LRRK2: variants seen among roughly 807,000 people sequenced by gnomAD.
LRRK2 encodes leucine-rich repeat serine/threonine-protein kinase 2.
A neutral mutation model predicts 302.6 loss-of-function variants in LRRK2; 203 were observed. The ratio of observed to expected loss-of-function variants is 0.67; its 90% CI spans 0.60 to 0.75. The LOEUF is 0.75. Among genes scored for constraint, LRRK2 ranks in the 30% least tolerant of loss-of-function variants. The probability of loss-of-function intolerance (pLI) is 0.00; values close to 1 mark genes in which losing one functional copy is unlikely to be tolerated. For synonymous variants in LRRK2, 1,066 were observed against 1,031.9 expected (o/e 1.03, Z -0.63); for missense variants, 2,830 against 2,951.0 (o/e 0.96, Z 0.95).
intron 10 of LRRK2, among the ~76,000 whole-genome samples, 178 bp from the exon 11 acceptor site, chr12:40,252,732 G>A (rs12422796): frequency 0.033 from 4,980 of 152,016 alleles, 228 homozygotes; most frequent in South Asian, 0.12. Flanking sequence ...AATTTGTTAG[G>A]ATTTAATTAA....
chr12:40,324,197 C>CCT (rs1186504988), intron 38 of LRRK2, among the ~76,000 whole-genome samples: 1 of 151,750 alleles, frequency 6.6e-6, no homozygotes, highest in Admixed American at 6.6e-5. Flanking sequence ...TCTGGCTCCT[C>CCT]GGTTATCATT....
chr12:40,238,242 G>A (rs1287831366), intron 5 of LRRK2, 139 bp downstream of exon 5: 3 of 846,222 alleles, frequency 3.5e-6, no homozygotes, highest in Admixed American at 5.5e-5. Flanking sequence ...TCTGTCAAGG[G>A]TGAGGAATGG....
intron 14 of LRRK2, among the ~76,000 whole-genome samples, chr12:40,272,487 G>C (rs572472392): frequency 2.6e-5 from 4 of 152,288 alleles, no homozygotes; most frequent in African/African-American, 9.6e-5. Context: ...TTAAGTAGGT[G>C]AATACATATG....
chr12:40,345,622 C>CAAAAAAAA (rs144415226), intron 41 of LRRK2, among the ~76,000 whole-genome samples: 102 of 67,354 alleles, frequency 1.5e-3, no homozygotes, highest in South Asian at 1.6e-3. Flanking sequence ...GACTCCATCT[C>CAAAAAAAA]AAAAAAAAAA....
At chr12:40,347,838 G>A (rs757949250) in intron 42 of LRRK2, among the ~76,000 whole-genome samples, 127 of 152,094 alleles carry the variant, frequency 8.4e-4, no homozygotes, top group Non-Finnish European at 6.2e-4. Flanking sequence ...TGGCATGTGC[G>A]TGTAGTCCCA....
intron 24 of LRRK2, 136 bp downstream of exon 24, chr12:40,298,629 C>G: frequency 8.7e-7 from 1 of 1,149,816 alleles, no homozygotes. Context: ...AAAATTAGCC[C>G]AGCGTGGTGG....
At chr12:40,345,435 C>T (rs1946161778) in intron 41 of LRRK2, among the ~76,000 whole-genome samples, 1 of 151,578 alleles carries the variant, frequency 6.6e-6, no homozygotes, top group Non-Finnish European at 1.5e-5. Context: ...CCAGCCTGAC[C>T]AACATGGTGA....
intron 40 of LRRK2, among the ~76,000 whole-genome samples, chr12:40,338,872 G>T (rs1464500958): frequency 6.6e-6 from 1 of 152,172 alleles, no homozygotes; most frequent in African/African-American, 2.4e-5. Context: ...AGCAGGGGAA[G>T]AGTACCTAAT....
chr12:40,266,514 G>A (rs2136558045), intron 14 of LRRK2, among the ~76,000 whole-genome samples: 1 of 152,226 alleles, frequency 6.6e-6, no homozygotes, highest in East Asian at 1.9e-4. Flanking sequence ...AGATGCTGGA[G>A]AGGATGTGGA....
At chr12:40,234,093 G>T (rs146893743) in intron 3 of LRRK2, among the ~76,000 whole-genome samples, 1 of 152,164 alleles carries the variant, frequency 6.6e-6, no homozygotes, top group Non-Finnish European at 1.5e-5. Flanking sequence ...TTGTGGGAAT[G>T]GTATAGGGAG....
rs1456064800 is a variant in LRRK2 at position 40,230,732 on chromosome 12, T to C, written c.238-1542T>C. On this transcript the variant is annotated intron_variant, in intron 2 of 50. Coordinates refer to ENST00000298910, the MANE Select transcript of LRRK2 (RefSeq NM_198578.4). ...ATAGTATAATAGAATGAATTGGAGA[T>C]CCTTTACATTTAGAGAGGGAGGAGT... Among the ~76,000 whole-genome samples the C allele has an allele frequency of 5.3e-5, 8 of 150,816 alleles. No individual in the cohort carries two copies. In the South Asian group the frequency reaches 1.7e-3, roughly 32 times the overall value.
At chr12:40,241,270 G>C (rs550878724) in intron 6 of LRRK2, among the ~76,000 whole-genome samples, 1 of 152,278 alleles carries the variant, frequency 6.6e-6, no homozygotes, top group Non-Finnish European at 1.5e-5. Context: ...CAGAGACATG[G>C]AGTGGAGAGC....
chr12:40,253,047 G>A (rs1242760878), intron 11 of LRRK2, 31 bp downstream of exon 11: 1 of 1,401,380 alleles, frequency 7.1e-7, no homozygotes, highest in Non-Finnish European at 1.0e-6. Context: ...TCAAATAAAG[G>A]GAAACACATT....
At chr12:40,345,071 T>C (rs1177375483) in intron 41 of LRRK2, among the ~76,000 whole-genome samples, 1 of 152,160 alleles carries the variant, frequency 6.6e-6, no homozygotes, top group Non-Finnish European at 1.5e-5. Flanking sequence ...TAGAACTGTT[T>C]CCAAATTCAG....
intron 40 of LRRK2, among the ~76,000 whole-genome samples, chr12:40,338,240 T>C (rs1945933521): frequency 6.6e-6 from 1 of 152,130 alleles, no homozygotes; most frequent in Non-Finnish European, 1.5e-5. Flanking sequence ...CTGAGCACAA[T>C]CCTTCTGGAT....
chr12:40,239,265 C>T (rs2136426429), intron 5 of LRRK2, among the ~76,000 whole-genome samples: 1 of 152,276 alleles, frequency 6.6e-6, no homozygotes, highest in Middle Eastern at 3.4e-3. Flanking sequence ...TGGTACCCAG[C>T]TCTTTGATAA....
At chr12:40,240,774 A>G (rs906028818) in intron 6 of LRRK2, among the ~76,000 whole-genome samples, 157 bp downstream of exon 6, 1 of 152,158 alleles carries the variant, frequency 6.6e-6, no homozygotes, top group Non-Finnish European at 1.5e-5. Context: ...ATTCACTGAC[A>G]TTATACTGAA....
intron 32 of LRRK2, among the ~76,000 whole-genome samples, chr12:40,314,644 C>T (rs1945156441): frequency 6.6e-6 from 1 of 152,006 alleles, no homozygotes; most frequent in East Asian, 1.9e-4. Flanking sequence ...TCTCTTGCAT[C>T]AAATATTGAT....
At chr12:40,287,237 A>T in intron 19 of LRRK2, 114 bp from the exon 20 acceptor site, 2 of 939,610 alleles carry the variant, frequency 2.1e-6, no homozygotes, top group East Asian at 2.6e-5. Context: ...CTTTGAAAGG[A>T]AAAATAGAAA....
Sources: allele counts gnomAD v4.1 joint callset (sites outside exome capture counted in the v4.1 genomes callset), GRCh38; gene constraint gnomAD v4.1.1; transcripts MANE v1.5; gene names NCBI Gene and HGNC (gene_info 2026-07-23, HGNC 2026-07-21).